Variants in SYNPO observed in about 807,000 individuals in gnomAD.
SYNPO encodes the protein synaptopodin.
SYNPO carries 19 observed loss-of-function variants against 49.5 expected under a neutral mutation model. The ratio of observed to expected loss-of-function variants is 0.38; its 90% CI spans 0.27 to 0.56. The LOEUF is 0.56. Ranked by LOEUF, SYNPO falls within the 20% of genes least tolerant of loss-of-function variation. The pLI is 0.68. For synonymous variants in SYNPO, 536 were observed against 548.0 expected, an observed-to-expected ratio of 0.98 and a Z score of 0.31; for missense variants, 1,131 against 1,248.3, an observed-to-expected ratio of 0.91 and a Z score of 1.42.
the SYNPO span, among the ~76,000 whole-genome samples, chr5:150,586,571 AGGATGGAT>A: frequency 8.7e-5 from 13 of 149,816 alleles, no homozygotes; most frequent in East Asian, 2.0e-4. Flanking sequence ...GGTGGATGGA[AGGATGGAT>A]GGATGGATGG....
intron 1 of SYNPO, among the ~76,000 whole-genome samples, chr5:150,606,472 A>G (rs1036644806): frequency 2.6e-5 from 4 of 152,216 alleles, no homozygotes; most frequent in African/African-American, 9.6e-5. Flanking sequence ...CACTTGCCCA[A>G]GGCCACACAG....
upstream of SYNPO, among the ~76,000 whole-genome samples, chr5:150,599,405 G>T (rs769457469): frequency 1.3e-5 from 2 of 152,202 alleles, no homozygotes; most frequent in Non-Finnish European, 2.9e-5. Context: ...GACTGTTATT[G>T]GCTGTAGAGA....
At chr5:150,643,413 G>A (rs1294468498) in intron 1 of SYNPO, among the ~76,000 whole-genome samples, 3 of 152,224 alleles carry the variant, frequency 2.0e-5, no homozygotes, top group Non-Finnish European at 2.9e-5. Flanking sequence ...AGCTACTATT[G>A]CTGCAACTGT....
At chr5:150,618,679 C>A (rs1757053404) in exon 2 of SYNPO, 2 of 1,550,908 alleles carry the variant, frequency 1.3e-6, no homozygotes, top group East Asian at 4.9e-5. Context: ...ACGACAGGGC[C>A]AGCCAGGACT....
chr5:150,598,874 G>A (rs1756471433), upstream of SYNPO, among the ~76,000 whole-genome samples: 1 of 152,164 alleles, frequency 6.6e-6, no homozygotes, highest in Non-Finnish European at 1.5e-5. Context: ...TGACATGGTG[G>A]GGGGTCTGGC....
upstream of SYNPO, among the ~76,000 whole-genome samples, chr5:150,596,217 TG>T (rs1304675054): frequency 1.3e-5 from 2 of 152,098 alleles, no homozygotes; most frequent in African/African-American, 4.8e-5. Context: ...TAGAGATTCC[TG>T]GGGGAGGGGG....
At chr5:150,633,851 G>A (rs532210255) in intron 2 of SYNPO, among the ~76,000 whole-genome samples, 56 of 152,260 alleles carry the variant, frequency 3.7e-4, no homozygotes, top group African/African-American at 1.3e-3. Flanking sequence ...GCTGTGTGCG[G>A]TGGCTCATTC....
At chr5:150,614,407 G>C (rs1233606767) in intron 1 of SYNPO, among the ~76,000 whole-genome samples, 2 of 152,184 alleles carry the variant, frequency 1.3e-5, no homozygotes, top group Non-Finnish European at 2.9e-5. Flanking sequence ...CTGACGCTCA[G>C]CCGGTCCTCT....
chr5:150,604,981 C>T (rs926412076), intron 1 of SYNPO, among the ~76,000 whole-genome samples: 4 of 152,204 alleles, frequency 2.6e-5, no homozygotes, highest in Admixed American at 2.0e-4. Flanking sequence ...TACTTAATCC[C>T]ACCACGTCTG....
At chr5:150,626,793 G>A (rs1037870613) in intron 2 of SYNPO, among the ~76,000 whole-genome samples, 2 of 152,206 alleles carry the variant, frequency 1.3e-5, no homozygotes, top group African/African-American at 4.8e-5. Context: ...TTTGCACAGA[G>A]TGATTCTGTG....
chr5:150,657,084 C>T lies in SYNPO; in HGVS notation c.2709C>T (p.Thr903=). 1 of 1,583,810 alleles carries T rather than the reference C, an allele frequency of 6.3e-7. No individual in the cohort carries two copies. The highest frequency in any genetic ancestry group is 8.6e-7 in the Non-Finnish European group (1 of 1,165,832). The change falls in exon 3 of 3, where the codon ACC becomes ACT. Residue 903 remains threonine (T), a synonymous_variant. Transcript: ENST00000307662. The stretch of plus-strand genomic sequence containing the variant: ...TCCCCGCCGAGGCCTCCTGCACCAC[C>T]TAGAGCCCCACCCCCGACCCCACCC... ...GSLPAEASCT[T] is the part of the protein sequence containing the mutation.
chr5:150,609,603 A>AT (rs1200820387), intron 1 of SYNPO, among the ~76,000 whole-genome samples: 1 of 152,210 alleles, frequency 6.6e-6, no homozygotes, highest in African/African-American at 2.4e-5. Flanking sequence ...CTGGTTAGGC[A>AT]TTTTCTGAAT....
intron 1 of SYNPO, among the ~76,000 whole-genome samples, chr5:150,607,415 C>T (rs1464712146): frequency 6.6e-6 from 1 of 152,162 alleles, no homozygotes; most frequent in Non-Finnish European, 1.5e-5. Flanking sequence ...TTCTCATTCT[C>T]TGCTTGTTTA....
chr5:150,630,724 C>T (rs1757509845), intron 2 of SYNPO, among the ~76,000 whole-genome samples: 1 of 152,142 alleles, frequency 6.6e-6, no homozygotes, highest in Non-Finnish European at 1.5e-5. Context: ...TCTCCCTCCT[C>T]CATCCCTGCC....
chr5:150,650,139 G>A lies in SYNPO; in HGVS notation c.1864G>A (p.Gly622Ser). The A allele has an allele frequency of 6.2e-7, 1 of 1,613,728 alleles. No individual in the cohort carries two copies. Among genetic ancestry groups the A allele is most frequent in the South Asian group, 1.1e-5 (1 of 91,084 alleles). Residue 622 changes from glycine (G) to serine (S), a missense_variant, in exon 2 of 3, where the codon GGC becomes AGC. Gly to Ser is a moderately conservative substitution (Grantham distance 56). This residue lies in a region of SYNPO where 509 missense variants were observed against 484.5 expected (regional missense o/e 1.05). Transcript: ENST00000307662. Reference protein sequence around the residue: ...ALPRPSRSSPGLYTSPGQDSL... With the variant: ...ALPRPSRSSPSLYTSPGQDSL... ...GCCTCGGCCCTCGCGCTCCTCACCG[G>A]GCCTCTACACCTCCCCCGGCCAGGA...
rs1758296310 is a variant in SYNPO, at chr5:150,649,940, G to C, written c.1665G>C (p.Leu555=). 6.2e-7 allele frequency: 1 copy of C among 1,612,264 alleles called. No individual in the cohort carries two copies. The highest frequency in any genetic ancestry group is 8.5e-7 in the Non-Finnish European group (1 of 1,179,980). ...GCTACCTGCCTGAGAACGGGGTCCT[G>C]CGCCCAGAGCCCACCAAGCAGCCGC... The part of the protein sequence containing the change: ...YHGYLPENGV[L]RPEPTKQPPY... Residue 555 remains leucine (L), a synonymous_variant, in exon 2 of 3, where the codon CTG becomes CTC. Coordinates refer to ENST00000307662, the MANE Select transcript of SYNPO (RefSeq NM_007286.6).
chr5:150,600,344 G>A (rs893392006), upstream of SYNPO, among the ~76,000 whole-genome samples: 10 of 152,264 alleles, frequency 6.6e-5, no homozygotes, highest in African/African-American at 2.4e-4. Context: ...GGAAAGGCAG[G>A]CGGGCACTCT....
At chr5:150,617,069 A>G (rs974265841) in intron 1 of SYNPO, among the ~76,000 whole-genome samples, 3 of 152,200 alleles carry the variant, frequency 2.0e-5, no homozygotes, top group African/African-American at 7.2e-5. Context: ...AACAGCCAAC[A>G]TGTATTAAGG....
the SYNPO span, among the ~76,000 whole-genome samples, chr5:150,591,246 C>G: frequency 6.6e-6 from 1 of 152,256 alleles, no homozygotes; most frequent in African/African-American, 2.4e-5. Context: ...TCCCTGGCGG[C>G]TGCCTCCTCA....
Sources: gnomAD v4.1 joint callset for allele counts (sites outside exome capture counted in the v4.1 genomes callset) on GRCh38, gnomAD v4.1.1 for gene constraint, gnomAD v4.1.1 regional missense constraint, MANE v1.5 for transcripts, NCBI Gene and HGNC (gene_info 2026-07-23, HGNC 2026-07-21) for gene names.